The following BPIFC variants were observed in gnomAD, a reference collection of about 807,000 sequenced individuals.
BPIFC encodes BPI fold containing family C, also known as BPI fold-containing family C protein.
In BPIFC, 60 loss-of-function variants were observed where a neutral mutation model predicts 57.6. That is an observed-to-expected ratio of 1.04 (90% CI 0.85 to 1.29). The LOEUF is 1.29. BPIFC is among the 50% of genes most tolerant of loss of function. BPIFC has a pLI of 0.00. For synonymous variants in BPIFC, 243 were observed against 224.5 expected, an observed-to-expected ratio of 1.08 and a Z score of -0.74; for missense variants, 581 against 600.5, an observed-to-expected ratio of 0.97 and a Z score of 0.34.
intron 8 of BPIFC, among the ~76,000 whole-genome samples, chr22:32,440,340 C>T (rs1934530046): frequency 2.0e-5 from 3 of 151,070 alleles, no homozygotes; most frequent in Admixed American, 1.3e-4. Context: ...CAAGGTCTCA[C>T]TATGTTGCCT....
intron 13 of BPIFC, 71 bp downstream of exon 13, chr22:32,431,276 G>T (rs1934232779): frequency 2.3e-6 from 3 of 1,312,390 alleles, no homozygotes; most frequent in African/African-American, 2.9e-5. Context: ...TTTCTTAATG[G>T]TCACTTTGTC....
At chr22:32,458,945 G>A (rs1003843198) in intron 2 of BPIFC, among the ~76,000 whole-genome samples, 9 of 152,176 alleles carry the variant, frequency 5.9e-5, no homozygotes, top group East Asian at 1.9e-4. Flanking sequence ...AATGATTAAC[G>A]TATGCTTGTT....
intron 13 of BPIFC, among the ~76,000 whole-genome samples, chr22:32,424,839 T>C (rs1934019713): frequency 6.7e-6 from 1 of 149,354 alleles, no homozygotes; most frequent in Admixed American, 6.8e-5. Flanking sequence ...TAGAGTGCAG[T>C]GGTGTGATCT....
chr22:32,444,818 A>G (rs1219062155), intron 7 of BPIFC, among the ~76,000 whole-genome samples: 1 of 152,134 alleles, frequency 6.6e-6, no homozygotes, highest in Non-Finnish European at 1.5e-5. Context: ...TCCAGGCCCT[A>G]TTTCTTCAAA....
chr22:32,424,773 CTTCTTCTTCTTCTTCCT>C (rs1934011813), intron 13 of BPIFC, among the ~76,000 whole-genome samples: 1 of 127,862 alleles, frequency 7.8e-6, no homozygotes, highest in African/African-American at 3.5e-5. Context: ...TCTTCTTCTT[CTTCTTCTTCTTCTTCCT>C]TTTTTTTTGA....
chr22:32,457,418 T>C (rs1935063019), intron 2 of BPIFC, 32 bp from the exon 3 acceptor site: 3 of 1,591,984 alleles, frequency 1.9e-6, no homozygotes, highest in African/African-American at 2.7e-5. Flanking sequence ...GGTTCCTTTA[T>C]TATTCTTGAC....
chr22:32,447,381 C>A, intron 4 of BPIFC, 41 bp from the exon 5 acceptor site: 3 of 1,590,242 alleles, frequency 1.9e-6, no homozygotes, highest in South Asian at 2.3e-5. Flanking sequence ...ACTCTTCCAG[C>A]ACATCTCTTC....
At chr22:32,420,470 C>A (rs1282489324) in intron 13 of BPIFC, among the ~76,000 whole-genome samples, 1 of 152,264 alleles carries the variant, frequency 6.6e-6, no homozygotes, top group East Asian at 1.9e-4. Flanking sequence ...ATCACTCACA[C>A]CATTTTTTTA....
In BPIFC at chr22:32,414,990, C is replaced by T. The variant is rs1461008165; in HGVS notation, c.1402-565G>A. Among the ~76,000 whole-genome samples, 3 of 152,240 alleles carry T rather than the reference C, an allele frequency of 2.0e-5. No homozygotes were observed. In the East Asian group the frequency reaches 5.8e-4, roughly 29 times the overall value. Reference sequence around the variant, plus strand: ...ATGCACGGTAGTGTAGGGCAGCGGTCCCCAGCCTTTTTGGCATTAGCGACT... The same window carrying T: ...ATGCACGGTAGTGTAGGGCAGCGGTTCCCAGCCTTTTTGGCATTAGCGACT... On this transcript the variant is annotated intron_variant, in intron 16 of 16. Transcript: ENST00000300399.
intron 10 of BPIFC, among the ~76,000 whole-genome samples, chr22:32,434,301 G>T (rs1233276123): frequency 7.1e-6 from 1 of 140,834 alleles, no homozygotes; most frequent in African/African-American, 2.6e-5. Flanking sequence ...TATGTACATA[G>T]TCTTTATATA....
intron 13 of BPIFC, among the ~76,000 whole-genome samples, chr22:32,424,705 C>CTTCT (rs1569448142): frequency 6.2e-5 from 3 of 48,084 alleles, no homozygotes; most frequent in African/African-American, 1.4e-4. Flanking sequence ...CTTCTTCTTC[C>CTTCT]TCTTCTTCTT....
rs749253005 is a variant in BPIFC at position 32,445,630 on chromosome 22, C to G, written c.594+5G>C. 2 of 1,598,410 alleles carry G rather than the reference C, an allele frequency of 1.3e-6. No homozygotes were observed. Among genetic ancestry groups the G allele is most frequent in the South Asian group, 2.2e-5 (2 of 90,402 alleles). ...ACTGTGGTTGCCTAACCTCTAAAGA[C>G]TCACCATTTCATTTAAGTTCTTTAA... On this transcript the variant is annotated splice_donor_5th_base_variant and intron_variant, in intron 7 of 16. Coordinates refer to ENST00000300399, the MANE Select transcript of BPIFC (RefSeq NM_174932.3).
chr22:32,460,112 G>C (rs1935132112), intron 2 of BPIFC, among the ~76,000 whole-genome samples: 1 of 152,180 alleles, frequency 6.6e-6, no homozygotes. Flanking sequence ...GGGACTTCTA[G>C]AGAATTTGCT....
intron 13 of BPIFC, among the ~76,000 whole-genome samples, chr22:32,424,675 TTCTTCTTCTTCTTCTTCC>T (rs1569448047): frequency 7.1e-5 from 6 of 84,996 alleles, no homozygotes; most frequent in East Asian, 3.5e-4. Flanking sequence ...CTTCTTCTTC[TTCTTCTTCTTCTTCTTCC>T]TCTTCTTCTT....
At chr22:32,445,125 A>G (rs1291731272) in intron 7 of BPIFC, among the ~76,000 whole-genome samples, 1 of 152,230 alleles carries the variant, frequency 6.6e-6, no homozygotes, top group Non-Finnish European at 1.5e-5. Flanking sequence ...TATTTGGCAC[A>G]TAGTAGGGAT....
At chr22:32,424,662 CTTCTTCTTCT>C (rs1933973059) in intron 13 of BPIFC, among the ~76,000 whole-genome samples, 6 of 67,918 alleles carry the variant, frequency 8.8e-5, no homozygotes, top group African/African-American at 4.8e-4. Context: ...TCTTCTTCTT[CTTCTTCTTCT>C]TCTTCTTCTT....
chr22:32,442,474 G>T (rs188994300), intron 8 of BPIFC, among the ~76,000 whole-genome samples, 197 bp downstream of exon 8: 110 of 152,270 alleles, frequency 7.2e-4, no homozygotes, highest in African/African-American at 2.6e-3. Context: ...TGGCAGTGAA[G>T]TTAGTTATTA....
intron 8 of BPIFC, among the ~76,000 whole-genome samples, chr22:32,440,334 G>T (rs1426540693): frequency 1.3e-5 from 2 of 151,370 alleles, no homozygotes; most frequent in African/African-American, 4.8e-5. Context: ...TAGAAACAAG[G>T]TCTCACTATG....
chr22:32,427,695 T>C (rs1313851108), intron 13 of BPIFC, among the ~76,000 whole-genome samples: 2 of 152,162 alleles, frequency 1.3e-5, no homozygotes, highest in Non-Finnish European at 2.9e-5. Flanking sequence ...TCTCTGGCTT[T>C]CATCCTCTGT....
Sources: allele counts gnomAD v4.1 joint callset (sites outside exome capture counted in the v4.1 genomes callset), GRCh38; gene constraint gnomAD v4.1.1; transcripts MANE v1.5; gene names NCBI Gene and HGNC (gene_info 2026-07-23, HGNC 2026-07-21).